POLDIP3: variants seen among roughly 807,000 people sequenced by gnomAD.
POLDIP3 encodes the protein DNA polymerase delta interacting protein 3, also known as polymerase delta-interacting protein 3.
Under a neutral mutation model 45.1 loss-of-function variants are expected in POLDIP3, and 14 were observed. The observed-to-expected ratio is 0.31, with a 90% CI of 0.20 to 0.49. The LOEUF (loss-of-function observed/expected upper bound fraction) is 0.49, where lower values mean the gene tolerates loss of function less well. POLDIP3 is among the 20% of genes least tolerant of loss of function. The pLI, the probability that POLDIP3 is intolerant of heterozygous loss-of-function variation, is 0.99. For missense variants in POLDIP3, 511 were observed against 538.8 expected (o/e 0.95, Z 0.51); for synonymous variants, 223 against 205.2 (o/e 1.09, Z -0.74).
intron 1 of POLDIP3, 130 bp downstream of exon 1, chr22:42,614,669 T>C: frequency 9.9e-7 from 1 of 1,009,350 alleles, no homozygotes; most frequent in South Asian, 1.4e-5. Context: ...AGCCGGCCAA[T>C]GAGGAGCGCG....
intron 6 of POLDIP3, among the ~76,000 whole-genome samples, chr22:42,593,861 T>C (rs1925820744): frequency 6.6e-6 from 1 of 151,948 alleles, no homozygotes; most frequent in Admixed American, 6.5e-5. Context: ...TTACACAAAA[T>C]AGGCTACAAT....
rs1925160054 is a variant in POLDIP3 at position 42,584,356 on chromosome 22, C to T, written c.*1435G>A. ...CTGCACACTGAAGCTGGGTTCAAAT[C>T]CTGGGTCCTTCCTGCCTGACAGACT... is the stretch of plus-strand genomic sequence containing the variant. On this transcript the variant is annotated 3_prime_UTR_variant, in exon 9 of 9. Transcript: ENST00000252115. 6.3e-6 allele frequency: 1 copy of T among 159,222 alleles called. No individual in the cohort carries two copies. The highest frequency in any genetic ancestry group is 1.4e-5 in the Non-Finnish European group (1 of 71,598). The allele number at this position is 159,222 out of a possible 1,614,324, so 9.9% of individuals were successfully genotyped here. A position where few individuals can be genotyped will look rare whatever the true frequency, so the allele number is the denominator to read the frequency against.
intron 1 of POLDIP3, among the ~76,000 whole-genome samples, chr22:42,611,199 G>A (rs1029068912): frequency 3.9e-5 from 6 of 152,124 alleles, no homozygotes; most frequent in Admixed American, 6.6e-5. Context: ...GTCTTGCTCC[G>A]TCAACCAGAC....
At chr22:42,604,317 T>C (rs1926588366) in intron 1 of POLDIP3, among the ~76,000 whole-genome samples, 1 of 152,116 alleles carries the variant, frequency 6.6e-6, no homozygotes, top group Admixed American at 6.6e-5. Context: ...TTCAGTCCTT[T>C]TGCAGGGCCC....
At chr22:42,597,033 CA>C in intron 4 of POLDIP3, among the ~76,000 whole-genome samples, 1 of 152,254 alleles carries the variant, frequency 6.6e-6, no homozygotes, top group South Asian at 2.1e-4. Flanking sequence ...TAAGAAGGCC[CA>C]GAATTCAGTG....
chr22:42,604,123 T>C (rs1469694258), intron 1 of POLDIP3, among the ~76,000 whole-genome samples: 30 of 152,042 alleles, frequency 2.0e-4, no homozygotes, highest in Non-Finnish European at 2.9e-5. Context: ...CTCTCTACAA[T>C]AGCTACCCTC....
chr22:42,601,937 A>ATT (rs1435099548), intron 3 of POLDIP3, 33 bp downstream of exon 3: 7 of 1,604,318 alleles, frequency 4.4e-6, no homozygotes, highest in Non-Finnish European at 6.0e-6. Flanking sequence ...GTACACACAG[A>ATT]TTCTCTCTCT....
At chr22:42,601,444 C>T (rs964461621) in intron 3 of POLDIP3, among the ~76,000 whole-genome samples, 1 of 151,354 alleles carries the variant, frequency 6.6e-6, no homozygotes, top group Non-Finnish European at 1.5e-5. Flanking sequence ...CTCTCTGCCC[C>T]CTATGCCTCC....
Position 42,614,847 on chromosome 22 carries a change from A to G in POLDIP3, c.11T>C (p.Ile4Thr), listed in dbSNP as rs1298214635. 2 of 1,613,866 alleles carry G rather than the reference A, an allele frequency of 1.2e-6. No individual in the cohort carries two copies. Among genetic ancestry groups the G allele is most frequent in the Admixed American group, 3.3e-5 (2 of 60,020 alleles). MAD[I>T]SLDELIRKRG... is the part of the protein sequence containing the mutation. ...CTTCCTGATGAGTTCGTCCAGGGAG[A>G]TGTCCGCCATCTTGCTCCGCCGAGC... The change falls in exon 1 of 9, where the codon ATC becomes ACC. Residue 4 changes from isoleucine to threonine, a missense_variant. Physicochemically the swap from Ile to Thr is moderately conservative, Grantham distance 89. This residue lies in a region of POLDIP3 where 378 missense variants were observed against 352.3 expected (regional missense o/e 1.07). Transcript: ENST00000252115.
intron 3 of POLDIP3, 110 bp downstream of exon 3, chr22:42,601,860 A>G: frequency 2.3e-6 from 3 of 1,332,582 alleles, no homozygotes; most frequent in Non-Finnish European, 3.1e-6. Context: ...CTACCAACTG[A>G]GCAAGCCTCA....
intron 8 of POLDIP3, among the ~76,000 whole-genome samples, chr22:42,586,521 GC>G (rs1925325064): frequency 6.6e-6 from 1 of 152,126 alleles, no homozygotes; most frequent in Admixed American, 6.6e-5. Context: ...AGGAAACACT[GC>G]ATGTTCCTTC....
rs1569302657 is a variant in POLDIP3, at chr22:42,603,016, T to G, written c.204A>C (p.Lys68Asn). The G allele has an allele frequency of 6.2e-7, 1 of 1,614,160 alleles. No homozygotes were observed. Among genetic ancestry groups the G allele is most frequent in the Non-Finnish European group, 8.5e-7 (1 of 1,180,028 alleles). Residue 68 changes from lysine (K) to asparagine (N), a missense_variant, in exon 2 of 9, where the codon AAA (lysine) becomes AAC (asparagine). Transcript: ENST00000252115. ...TCTCCCGGGCATCCTTGACTCCCAG[T>G]TTGAGCCGGGCATCTGAGAGGCCAA... ...QKIGLSDARL[K>N]LGVKDAREKL... is the part of the protein sequence containing the mutation.
At chr22:42,587,035 G>C (rs1212596752) in intron 8 of POLDIP3, among the ~76,000 whole-genome samples, 1 of 152,084 alleles carries the variant, frequency 6.6e-6, no homozygotes. Context: ...TTGACCCCAG[G>C]AGTTTGAAAC....
At position 42,585,745 on chromosome 22, in the gene POLDIP3, G is replaced by C; in HGVS notation, c.*46C>G. The C allele has an allele frequency of 6.3e-7, 1 of 1,576,914 alleles. No homozygotes were observed. The highest frequency in any genetic ancestry group is 8.6e-7 in the Non-Finnish European group (1 of 1,160,540). On this transcript the variant is annotated 3_prime_UTR_variant, in exon 9 of 9. Coordinates refer to ENST00000252115, the MANE Select transcript of POLDIP3 (RefSeq NM_032311.5). ...TCATAAGCTTTGCCTTGGGGAAACAGAGCCACCCTCCTCTGCCCCCACTTC... is the reference window on the plus strand; with the variant it reads ...TCATAAGCTTTGCCTTGGGGAAACACAGCCACCCTCCTCTGCCCCCACTTC...
intron 4 of POLDIP3, among the ~76,000 whole-genome samples, chr22:42,596,964 G>C (rs1440521312): frequency 6.6e-6 from 1 of 152,060 alleles, no homozygotes; most frequent in Non-Finnish European, 1.5e-5. Context: ...AAGGCCAAAA[G>C]CTTGAGGCCA....
chr22:42,595,113 G>A (rs1925904980), intron 6 of POLDIP3, among the ~76,000 whole-genome samples: 1 of 152,190 alleles, frequency 6.6e-6, no homozygotes, highest in Admixed American at 6.5e-5. Flanking sequence ...CACTGTGCCT[G>A]GACTGTGCAA....
At chr22:42,603,492 C>T (rs932186020) in intron 1 of POLDIP3, 22 of 262,260 alleles carry the variant, frequency 8.4e-5, no homozygotes, top group Non-Finnish European at 1.3e-4. Flanking sequence ...AAATAAACAT[C>T]CACCAAATCT....
Position 42,584,665 on chromosome 22 carries a change from C to T in POLDIP3, c.*1126G>A, listed in dbSNP as rs911621642. 2 of 349,608 alleles carry T rather than the reference C, an allele frequency of 5.7e-6. No individual in the cohort carries two copies. The highest frequency in any genetic ancestry group is 4.3e-5 in the African/African-American group (2 of 46,460). The allele number at this position is 349,608 out of a possible 1,614,324, so 21.7% of individuals were successfully genotyped here. ...TGTCTGCGCCTATGCTGGGGAAACA[C>T]CTTGCCTGGTAGAGCTGCCCTGCTC... On this transcript the variant is annotated 3_prime_UTR_variant, in exon 9 of 9. Transcript: ENST00000252115.
At chr22:42,609,659 T>G (rs1926998046) in intron 1 of POLDIP3, among the ~76,000 whole-genome samples, 1 of 152,138 alleles carries the variant, frequency 6.6e-6, no homozygotes. Context: ...AGGCAGAGGT[T>G]GCCATGAGCC....
Sources: allele counts gnomAD v4.1 joint callset (sites outside exome capture counted in the v4.1 genomes callset), GRCh38; gene constraint gnomAD v4.1.1; regional missense constraint gnomAD v4.1.1; transcripts MANE v1.5; gene names NCBI Gene and HGNC (gene_info 2026-07-23, HGNC 2026-07-21).